Variants in GSAP observed in about 807,000 individuals in gnomAD.
GSAP encodes the protein gamma-secretase activating protein.
A neutral mutation model predicts 131.7 loss-of-function variants in GSAP; 118 were observed. That is an observed-to-expected ratio of 0.90 (90% confidence interval 0.77 to 1.04). GSAP has a LOEUF of 1.04. GSAP is among the 50% of genes least tolerant of loss of function. The pLI is 0.00. For synonymous variants in GSAP, 381 were observed against 363.4 expected (o/e 1.05, Z -0.55); for missense variants, 1,019 against 1,013.2 (o/e 1.01, Z -0.08).
Position 77,310,792 on chromosome 7 carries a change from A to G in GSAP, c.*566T>C, listed in dbSNP as rs1794273484. 1 of 151,928 alleles carries G rather than the reference A, an allele frequency of 6.6e-6. No individual in the cohort carries two copies. The highest frequency in any genetic ancestry group is 6.6e-5 in the Admixed American group (1 of 15,252). 9.4% of individuals were successfully genotyped at this position (151,928 alleles called of 1,614,324 possible). ...TTAATGACTGACAAAATATTCCTAAATCAACCTTTTATAAATAAAAAAAAA... is the reference window on the plus strand; with the variant it reads ...TTAATGACTGACAAAATATTCCTAAGTCAACCTTTTATAAATAAAAAAAAA... On this transcript the variant is annotated 3_prime_UTR_variant, in exon 31 of 31. Transcript: ENST00000257626.
intron 12 of GSAP, among the ~76,000 whole-genome samples, chr7:77,371,979 C>T (rs543513025): frequency 4.6e-5 from 7 of 152,252 alleles, no homozygotes; most frequent in African/African-American, 1.7e-4. Context: ...AATGACCAGA[C>T]TTAGCATCAC....
Position 77,314,384 on chromosome 7 carries a change from A to G in GSAP, c.2195T>C (p.Ile732Thr), listed in dbSNP as rs1016052879. ...GVLLLTETAV[I>T]RLMKDLDNTE... Reference sequence around the variant, plus strand: ...GGGCTTCTTACCTTTCATGAGCCTTATGACAGCTGTTTCAGTGAGAAGCAA... The same window carrying G: ...GGGCTTCTTACCTTTCATGAGCCTTGTGACAGCTGTTTCAGTGAGAAGCAA... Residue 732 changes from isoleucine (I) to threonine (T), a missense_variant, in exon 27 of 31, where the codon ATA becomes ACA. Coordinates refer to ENST00000257626, the MANE Select transcript of GSAP (RefSeq NM_017439.4). 32 of 1,613,646 alleles carry G rather than the reference A, an allele frequency of 2.0e-5. No homozygotes were observed. The Admixed American group carries it at 3.2e-4, about 16-fold the overall frequency.
chr7:77,319,955 T>TA (rs775658445), intron 26 of GSAP, among the ~76,000 whole-genome samples: 16 of 152,342 alleles, frequency 1.1e-4, no homozygotes, highest in Admixed American at 5.9e-4. Context: ...AAAGACCTGC[T>TA]ATCCAACATT....
intron 19 of GSAP, among the ~76,000 whole-genome samples, chr7:77,338,789 G>A (rs921766650): frequency 1.3e-5 from 2 of 152,164 alleles, no homozygotes; most frequent in Non-Finnish European, 2.9e-5. Context: ...GAATCCTGAA[G>A]GGATGTAAAC....
chr7:77,329,333 T>C lies in GSAP; in HGVS notation c.1733A>G (p.Lys578Arg). Residue 578 changes from lysine to arginine, a missense_variant and splice_region_variant, in exon 21 of 31, where the codon AAG becomes AGG. Transcript: ENST00000257626. The stretch of plus-strand genomic sequence containing the variant: ...TATGATAACCTCTGCTTTCACTTAC[T>C]TTACTGCATTATCAAGAATATTCCT... ...YVRNILDNAV[K>R]VISNLEARNL... 1.9e-6 allele frequency: 3 copies of C among 1,548,112 alleles called. No homozygotes were observed. Among genetic ancestry groups the C allele is most frequent in the Non-Finnish European group, 2.6e-6 (3 of 1,136,806 alleles).
intron 12 of GSAP, among the ~76,000 whole-genome samples, chr7:77,370,329 T>A (rs548785003): frequency 6.6e-6 from 1 of 152,124 alleles, no homozygotes; most frequent in Non-Finnish European, 1.5e-5. Flanking sequence ...GGCATGGTGA[T>A]GTGTGCCTGT....
chr7:77,375,923 TA>T (rs1305771369), intron 10 of GSAP, among the ~76,000 whole-genome samples: 1 of 152,030 alleles, frequency 6.6e-6, no homozygotes, highest in Non-Finnish European at 1.5e-5. Context: ...ACCACAATTC[TA>T]ATTTTTTTTA....
intron 14 of GSAP, among the ~76,000 whole-genome samples, chr7:77,357,557 T>C (rs998308746): frequency 6.6e-6 from 1 of 151,656 alleles, no homozygotes; most frequent in Admixed American, 6.5e-5. Context: ...TTGGGTTCCC[T>C]GGGCCACACT....
At chr7:77,345,161 C>T (rs1791605038) in intron 19 of GSAP, among the ~76,000 whole-genome samples, 1 of 152,128 alleles carries the variant, frequency 6.6e-6, no homozygotes, top group African/African-American at 2.4e-5. Context: ...CTTATTCAAA[C>T]CTTGTATTTA....
Position 77,397,372 on chromosome 7 carries a change from G to A in GSAP, c.287C>T (p.Ser96Phe). 6.2e-7 allele frequency: 1 copy of A among 1,606,956 alleles called. No individual in the cohort carries two copies. The highest frequency in any genetic ancestry group is 8.5e-7 in the Non-Finnish European group (1 of 1,174,652). ...FEKDLQVFSC[S>F]VNSERTLLAA... ...AAGCAAAGTCCTTTCACTGTTGACAGAGCAACTGAAAACTTGCAAGTCTTT... is the reference window on the plus strand; with the variant it reads ...AAGCAAAGTCCTTTCACTGTTGACAAAGCAACTGAAAACTTGCAAGTCTTT... Residue 96 changes from serine to phenylalanine, a missense_variant, in exon 4 of 31, where the codon TCT (serine) becomes TTT (phenylalanine). By Grantham distance (155) the Ser-to-Phe change is radical. Coordinates refer to ENST00000257626, the MANE Select transcript of GSAP (RefSeq NM_017439.4).
intron 14 of GSAP, 50 bp from the exon 15 acceptor site, chr7:77,355,697 G>T: frequency 9.9e-7 from 1 of 1,005,762 alleles, no homozygotes; most frequent in Non-Finnish European, 1.6e-6. Flanking sequence ...AAGCTGCACA[G>T]GTACAGAATG....
At chr7:77,334,043 T>C (rs1789565617) in intron 19 of GSAP, among the ~76,000 whole-genome samples, 1 of 152,188 alleles carries the variant, frequency 6.6e-6, no homozygotes, top group South Asian at 2.1e-4. Flanking sequence ...GGAAGTATTA[T>C]ACCATTTGAC....
At chr7:77,338,264 T>C (rs1790336521) in intron 19 of GSAP, among the ~76,000 whole-genome samples, 1 of 152,190 alleles carries the variant, frequency 6.6e-6, no homozygotes, top group African/African-American at 2.4e-5. Flanking sequence ...CAATCCACAG[T>C]TTACAAAGGG....
At chr7:77,387,938 A>G (rs1798826827) in intron 5 of GSAP, among the ~76,000 whole-genome samples, 1 of 152,258 alleles carries the variant, frequency 6.6e-6, no homozygotes, top group Non-Finnish European at 1.5e-5. Context: ...CCAGCAACAT[A>G]TAAGAGGGCC....
chr7:77,404,148 T>C lies in GSAP; in HGVS notation c.243+411A>G, dbSNP rs117086103. 1.1e-3 allele frequency among the ~76,000 whole-genome samples: 163 copies of C among 152,332 alleles called. 7 individuals are homozygous for C. The East Asian group carries it at 0.029, about 27-fold the overall frequency. Reference sequence around the variant, plus strand: ...CACAGGGCACAAGGGCCTGCCCAGGTATTGTGCAAGCCAGCTGCCAAAATG... The same window carrying C: ...CACAGGGCACAAGGGCCTGCCCAGGCATTGTGCAAGCCAGCTGCCAAAATG... On this transcript the variant is annotated intron_variant, in intron 3 of 30. Transcript: ENST00000257626.
chr7:77,365,502 C>T (rs1018298092), intron 12 of GSAP, among the ~76,000 whole-genome samples: 2 of 152,036 alleles, frequency 1.3e-5, no homozygotes, highest in Non-Finnish European at 2.9e-5. Flanking sequence ...ACTGTTCCTG[C>T]GTTAGTTTGC....
rs752095684 is a variant in GSAP at position 77,397,401 on chromosome 7, A to C, written c.258T>G (p.Phe86Leu). The change falls in exon 4 of 31, where the codon TTT becomes TTG. Residue 86 changes from phenylalanine (F) to leucine (L), a missense_variant. Transcript: ENST00000257626. ...QTRQNELLYT[F>L]EKDLQVFSCS... is the part of the protein sequence containing the mutation. Reference sequence around the variant, plus strand: ...AACTGAAAACTTGCAAGTCTTTCTCAAAGGTATATAGAAGCTATTAAAACA... The same window carrying C: ...AACTGAAAACTTGCAAGTCTTTCTCCAAGGTATATAGAAGCTATTAAAACA... The C allele has an allele frequency of 2.5e-6, 4 of 1,590,272 alleles. No individual in the cohort carries two copies. In the South Asian group the frequency reaches 3.3e-5, roughly 13 times the overall value.
In GSAP at chr7:77,339,779, A is replaced by G. The variant is rs902067923; in HGVS notation, c.1546-9412T>C. Among the ~76,000 whole-genome samples the G allele has an allele frequency of 6.6e-5, 10 of 152,240 alleles. No individual in the cohort carries two copies. In the South Asian group the frequency reaches 1.2e-3, roughly 19 times the overall value. ...AAGAAGCGACTTTGTTCCTAAGCAA[A>G]GCTAAATCATATTCTTAGAAAACCT... On this transcript the variant is annotated intron_variant, in intron 19 of 30. Coordinates refer to ENST00000257626, the MANE Select transcript of GSAP (RefSeq NM_017439.4).
chr7:77,389,600 A>G lies in GSAP; in HGVS notation c.368-2152T>C, dbSNP rs1311448211. 3.9e-5 allele frequency among the ~76,000 whole-genome samples: 6 copies of G among 152,256 alleles called. No individual in the cohort carries two copies. In the South Asian group the frequency reaches 8.3e-4, roughly 21 times the overall value. ...TTTCCAGCTTCATCCATGTCCCTAC[A>G]AAGGACATGAACTCATCATTTTTTA... On this transcript the variant is annotated intron_variant, in intron 5 of 30. Coordinates refer to ENST00000257626, the MANE Select transcript of GSAP (RefSeq NM_017439.4).
Sources: allele counts gnomAD v4.1 joint callset (sites outside exome capture counted in the v4.1 genomes callset), GRCh38; gene constraint gnomAD v4.1.1; transcripts MANE v1.5; gene names NCBI Gene and HGNC (gene_info 2026-07-23, HGNC 2026-07-21).